Variants in AGBL1 observed in about 807,000 individuals in gnomAD.
AGBL1 encodes the protein cytosolic carboxypeptidase 4.
In AGBL1, 130 loss-of-function variants were observed where a neutral mutation model predicts 118.9. That is an observed-to-expected ratio of 1.09 (90% CI 0.95 to 1.26). The LOEUF (loss-of-function observed/expected upper bound fraction) is 1.26, where lower values mean the gene tolerates loss of function less well. Among genes scored for constraint, AGBL1 ranks in the 50% most tolerant of loss-of-function variants. The probability of loss-of-function intolerance (pLI) is 0.00; values close to 1 mark genes in which losing one functional copy is unlikely to be tolerated. For missense variants in AGBL1, 1,584 were observed against 1,298.1 expected (o/e 1.22, Z -3.38); for synonymous variants, 555 against 478.9 (o/e 1.16, Z -2.08).
intron 1 of AGBL1, among the ~76,000 whole-genome samples, chr15:86,080,862 C>A (rs543342880): frequency 1.3e-5 from 2 of 152,070 alleles, no homozygotes; most frequent in South Asian, 4.2e-4. Context: ...TTCAAAAAGG[C>A]CCAAGGGGTC....
intron 17 of AGBL1, among the ~76,000 whole-genome samples, chr15:86,394,964 G>C (rs954306877): frequency 6.6e-6 from 1 of 152,104 alleles, no homozygotes; most frequent in Non-Finnish European, 1.5e-5. Context: ...TCAGGGTCCT[G>C]GTAATAAGAA....
intron 10 of AGBL1, 150 bp downstream of exon 10, chr15:86,263,044 T>C: frequency 1.5e-6 from 1 of 655,012 alleles, no homozygotes; most frequent in Non-Finnish European, 2.6e-6. Context: ...AGCAGAATGC[T>C]AAACAAAAGT....
At chr15:86,162,244 A>G (rs969015810) in intron 5 of AGBL1, among the ~76,000 whole-genome samples, 6 of 152,182 alleles carry the variant, frequency 3.9e-5, no homozygotes, top group African/African-American at 1.2e-4. Context: ...TCTACTAAGT[A>G]TCATCCTCCA....
In AGBL1 at chr15:86,766,672, TTGAG is replaced by T. The variant is rs372083257; in HGVS notation, c.3158+92239_3158+92242del. 8.5e-3 allele frequency among the ~76,000 whole-genome samples: 1,290 copies of T among 152,094 alleles called. 18 individuals are homozygous for T. The highest frequency in any genetic ancestry group is 0.029 in the African/African-American group (1,207 of 41,526). Reference sequence around the variant, plus strand: ...CATTTATTCTTTTGTCATATATTGATTGAGTGTCAACTAAATGCTGGATTATGGT... The same window carrying T: ...CATTTATTCTTTTGTCATATATTGATTGTCAACTAAATGCTGGATTATGGT... On this transcript the variant is annotated intron_variant, in intron 22 of 22. Coordinates refer to ENST00000614907, the MANE Select transcript of AGBL1 (RefSeq NM_001386094.1).
At chr15:86,792,480 G>GT in intron 22 of AGBL1, among the ~76,000 whole-genome samples, 1 of 152,302 alleles carries the variant, frequency 6.6e-6, no homozygotes, top group South Asian at 2.1e-4. Flanking sequence ...AGAGTGGCCT[G>GT]TAAGATTTTT....
At chr15:86,591,551 T>C (rs2084335879) in intron 21 of AGBL1, among the ~76,000 whole-genome samples, 1 of 152,166 alleles carries the variant, frequency 6.6e-6, no homozygotes, top group South Asian at 2.1e-4. Context: ...AAACACTTAC[T>C]TGTGTTTACC....
At chr15:86,728,155 G>A (rs1473266245) in intron 22 of AGBL1, among the ~76,000 whole-genome samples, 1 of 152,186 alleles carries the variant, frequency 6.6e-6, no homozygotes, top group Non-Finnish European at 1.5e-5. Flanking sequence ...TGGAAAGGAT[G>A]TACCTATTTT....
At chr15:86,637,015 T>C (rs1235432005) in intron 21 of AGBL1, among the ~76,000 whole-genome samples, 3 of 151,738 alleles carry the variant, frequency 2.0e-5, no homozygotes, top group African/African-American at 7.3e-5. Context: ...GTAACTATCA[T>C]AGAAATGCTG....
chr15:86,713,917 T>C (rs2086599437), intron 22 of AGBL1, among the ~76,000 whole-genome samples: 1 of 152,138 alleles, frequency 6.6e-6, no homozygotes. Context: ...ATGCGGCTGT[T>C]AGAGAGAGTG....
intron 22 of AGBL1, among the ~76,000 whole-genome samples, chr15:86,840,843 C>A (rs1438816880): frequency 6.6e-6 from 1 of 152,114 alleles, no homozygotes; most frequent in African/African-American, 2.4e-5. Flanking sequence ...AACTATGCCC[C>A]AGTTTTTGTG....
intron 18 of AGBL1, among the ~76,000 whole-genome samples, chr15:86,474,152 C>T (rs747727509): frequency 9.2e-5 from 14 of 152,100 alleles, no homozygotes; most frequent in African/African-American, 1.4e-4. Context: ...GTGTGAGTGA[C>T]GCAGAAGACA....
chr15:86,879,820 C>T (rs1026824784), intron 22 of AGBL1, among the ~76,000 whole-genome samples: 3 of 152,036 alleles, frequency 2.0e-5, no homozygotes, highest in Admixed American at 2.0e-4. Context: ...TGCCAGGGCT[C>T]TGGGCAGCAG....
At position 86,910,207 on chromosome 15, in the gene AGBL1, A is replaced by G. The variant is rs2141598712; in HGVS notation, c.*2913A>G. The G allele has an allele frequency of 6.6e-6, 1 of 152,362 alleles. No homozygotes were observed. Among genetic ancestry groups the G allele is most frequent in the African/African-American group, 2.4e-5 (1 of 41,602 alleles). The allele number at this position is 152,362 out of a possible 1,614,324, so 9.4% of individuals were successfully genotyped here. A position where few individuals can be genotyped will look rare whatever the true frequency, so the allele number is the denominator to read the frequency against. Reference sequence around the variant, plus strand: ...GGGTGATTCTTGAAGAATATGCAGGAGTTTTCAAGTATAAAGGGAGAAAAG... The same window carrying G: ...GGGTGATTCTTGAAGAATATGCAGGGGTTTTCAAGTATAAAGGGAGAAAAG... On this transcript the variant is annotated 3_prime_UTR_variant, in exon 23 of 23. Coordinates refer to ENST00000614907, the MANE Select transcript of AGBL1 (RefSeq NM_001386094.1).
downstream of AGBL1, among the ~76,000 whole-genome samples, chr15:87,031,179 T>A (rs959609441): frequency 1.3e-5 from 2 of 152,020 alleles, no homozygotes; most frequent in Admixed American, 1.3e-4. Context: ...AGAAGGCAAC[T>A]TTTCAAACAT....
intron 7 of AGBL1, among the ~76,000 whole-genome samples, chr15:86,255,166 G>T (rs1437022730): frequency 6.6e-6 from 1 of 152,104 alleles, no homozygotes; most frequent in Non-Finnish European, 1.5e-5. Context: ...CTCTACCAAG[G>T]TTGGAGCTTA....
At chr15:86,165,107 C>T (rs10520611) in intron 5 of AGBL1, among the ~76,000 whole-genome samples, 25,591 of 152,016 alleles carry the variant, frequency 0.17, 2,372 homozygotes, top group East Asian at 0.28. Context: ...ACCTTGGCAA[C>T]GGGAGGAGAT....
At chr15:86,374,764 A>G (rs2081016040) in intron 17 of AGBL1, among the ~76,000 whole-genome samples, 1 of 152,198 alleles carries the variant, frequency 6.6e-6, no homozygotes, top group South Asian at 2.1e-4. Flanking sequence ...CTTAGTTAAG[A>G]ATGTGGCACA....
chr15:86,332,208 ACTTAT>A (rs1320922687), intron 17 of AGBL1, among the ~76,000 whole-genome samples: 1 of 152,242 alleles, frequency 6.6e-6, no homozygotes, highest in African/African-American at 2.4e-5. Context: ...CAGCAAGAAG[ACTTAT>A]CTTAAATACT....
intron 22 of AGBL1, among the ~76,000 whole-genome samples, chr15:86,773,905 C>T (rs1205351742): frequency 1.3e-5 from 2 of 152,086 alleles, no homozygotes; most frequent in East Asian, 1.9e-4. Context: ...AGATGGGAAC[C>T]TATTTAACAA....
Sources: gnomAD v4.1 joint callset for allele counts (sites outside exome capture counted in the v4.1 genomes callset) on GRCh38, gnomAD v4.1.1 for gene constraint, MANE v1.5 for transcripts, NCBI Gene and HGNC (gene_info 2026-07-23, HGNC 2026-07-21) for gene names.